The following CDC73 variants were observed in gnomAD, a reference collection of about 807,000 sequenced individuals.
The protein encoded by CDC73 is parafibromin.
In CDC73, 21 loss-of-function variants were observed where a neutral mutation model predicts 83.7. The ratio of observed to expected loss-of-function variants is 0.25; its 90% CI spans 0.18 to 0.36. CDC73 has a LOEUF of 0.36. Ranked by LOEUF, CDC73 falls within the 10% of genes least tolerant of loss-of-function variation. The pLI, the probability that CDC73 is intolerant of heterozygous loss-of-function variation, is 1.00. For missense variants in CDC73, 342 were observed against 653.3 expected (o/e 0.52, Z 5.19); for synonymous variants, 224 against 212.9 (o/e 1.05, Z -0.45).
chr1:193,208,269 T>C (rs1315195333), intron 11 of CDC73, among the ~76,000 whole-genome samples: 4 of 152,228 alleles, frequency 2.6e-5, no homozygotes, highest in African/African-American at 9.6e-5. Context: ...GAAACCATCA[T>C]CATCTCTCTA....
chr1:193,240,664 G>A (rs1360564275), intron 15 of CDC73, among the ~76,000 whole-genome samples: 1 of 152,026 alleles, frequency 6.6e-6, no homozygotes, highest in Non-Finnish European at 1.5e-5. Flanking sequence ...TACCTTTTGA[G>A]AAATTTCTGT....
rs1678061067 is a variant in CDC73 at position 193,252,541 on chromosome 1, T to G, written c.*1829T>G. On this transcript the variant is annotated 3_prime_UTR_variant, in exon 17 of 17. Coordinates refer to ENST00000367435, the MANE Select transcript of CDC73 (RefSeq NM_024529.5). ...CATCTACTTTGAATGAGGTTTATTT[T>G]TCTATTTTGAATTTGCCTTATGTAT... 8.7e-6 allele frequency: 2 copies of G among 230,568 alleles called. No homozygotes were observed. The highest frequency in any genetic ancestry group is 1.8e-4 in the South Asian group (1 of 5,518). The allele number at this position is 230,568 out of a possible 1,614,324, so 14.3% of individuals were successfully genotyped here.
At chr1:193,158,008 A>C (rs552776970) in intron 10 of CDC73, among the ~76,000 whole-genome samples, 1 of 151,726 alleles carries the variant, frequency 6.6e-6, no homozygotes, top group African/African-American at 2.4e-5. Flanking sequence ...TTGTATTATT[A>C]ATTTATGATT....
At chr1:193,139,641 T>C (rs1389337262) in intron 6 of CDC73, among the ~76,000 whole-genome samples, 1 of 152,236 alleles carries the variant, frequency 6.6e-6, no homozygotes, top group Non-Finnish European at 1.5e-5. Context: ...AAACATCATA[T>C]ATACTTTTTA....
intron 10 of CDC73, chr1:193,180,230 G>C (rs1389579200): frequency 1.4e-6 from 2 of 1,425,714 alleles, no homozygotes; most frequent in South Asian, 1.4e-5. Context: ...GATGTAATCA[G>C]TTCTAACTAT....
chr1:193,151,363 A>G (rs993856661), intron 9 of CDC73, among the ~76,000 whole-genome samples: 6 of 152,214 alleles, frequency 3.9e-5, no homozygotes, highest in African/African-American at 1.4e-4. Context: ...ATAATATTCA[A>G]TGTTTTTCTT....
chr1:193,225,194 T>G (rs1677545241), intron 13 of CDC73, among the ~76,000 whole-genome samples: 1 of 151,586 alleles, frequency 6.6e-6, no homozygotes, highest in Non-Finnish European at 1.5e-5. Context: ...CCATCCAGAT[T>G]GCAGCAAATG....
At chr1:193,198,349 C>T (rs1677037059) in intron 10 of CDC73, among the ~76,000 whole-genome samples, 1 of 152,194 alleles carries the variant, frequency 6.6e-6, no homozygotes, top group South Asian at 2.1e-4. Flanking sequence ...GTCATGAGGG[C>T]ATGGTCTTTA....
At chr1:193,243,425 A>T (rs961864796) in intron 15 of CDC73, among the ~76,000 whole-genome samples, 2 of 152,198 alleles carry the variant, frequency 1.3e-5, no homozygotes, top group Non-Finnish European at 2.9e-5. Flanking sequence ...GGACTCTAGT[A>T]TCCTAGCTTT....
intron 7 of CDC73, among the ~76,000 whole-genome samples, chr1:193,144,751 G>A (rs146759333): frequency 2.2e-4 from 34 of 151,784 alleles, no homozygotes; most frequent in African/African-American, 8.0e-4. Flanking sequence ...GTTGTGTGAA[G>A]TATGAACTGA....
chr1:193,144,182 A>G (rs1675955131), intron 7 of CDC73, among the ~76,000 whole-genome samples: 1 of 151,178 alleles, frequency 6.6e-6, no homozygotes, highest in Non-Finnish European at 1.5e-5. Context: ...ACCCCAAATA[A>G]AGCAACTTGA....
intron 10 of CDC73, among the ~76,000 whole-genome samples, chr1:193,163,605 G>A (rs1213856197): frequency 2.0e-5 from 3 of 152,116 alleles, no homozygotes; most frequent in Non-Finnish European, 2.9e-5. Flanking sequence ...TAGGTTAACT[G>A]CAGTAGACAT....
At chr1:193,157,404 A>G (rs1236840597) in intron 10 of CDC73, among the ~76,000 whole-genome samples, 1 of 152,306 alleles carries the variant, frequency 6.6e-6, no homozygotes, top group East Asian at 1.9e-4. Context: ...TGCCAATCTA[A>G]ATGTGGCCAC....
chr1:193,238,468 A>C (rs1254350062), intron 15 of CDC73, among the ~76,000 whole-genome samples: 1 of 152,176 alleles, frequency 6.6e-6, no homozygotes, highest in Non-Finnish European at 1.5e-5. Flanking sequence ...AACTTACCAG[A>C]ATTTGATTCT....
chr1:193,122,708 C>G (rs914740275), intron 1 of CDC73: 1 of 176,820 alleles, frequency 5.7e-6, no homozygotes, highest in African/African-American at 2.4e-5. Context: ...TCTTTTTGTT[C>G]TTTATTTTTT....
intron 3 of CDC73, among the ~76,000 whole-genome samples, chr1:193,132,965 G>T (rs561155407): frequency 1.4e-5 from 2 of 147,168 alleles, no homozygotes; most frequent in African/African-American, 5.0e-5. Context: ...GCAGTGGCGC[G>T]ATCTTGGCTC....
chr1:193,233,909 A>G (rs1677703994), intron 14 of CDC73, among the ~76,000 whole-genome samples: 1 of 152,022 alleles, frequency 6.6e-6, no homozygotes, highest in African/African-American at 2.4e-5. Context: ...TTTAACCGGG[A>G]GTAAAAGTTG....
intron 15 of CDC73, among the ~76,000 whole-genome samples, chr1:193,241,350 A>G (rs1401647638): frequency 6.6e-6 from 1 of 152,208 alleles, no homozygotes; most frequent in African/African-American, 2.4e-5. Flanking sequence ...TGCTGGGGTC[A>G]GTGACATCAG....
chr1:193,199,528 A>G (rs1677054977), intron 10 of CDC73, among the ~76,000 whole-genome samples: 4 of 151,996 alleles, frequency 2.6e-5, no homozygotes, highest in African/African-American at 4.8e-5. Flanking sequence ...CCTGGCCAAC[A>G]TGGTGAAACT....
Sources: gnomAD v4.1 joint callset for allele counts (sites outside exome capture counted in the v4.1 genomes callset) on GRCh38, gnomAD v4.1.1 for gene constraint, MANE v1.5 for transcripts, NCBI Gene and HGNC (gene_info 2026-07-23, HGNC 2026-07-21) for gene names.